The following KLHL13 variants were observed in gnomAD, a reference collection of about 807,000 sequenced individuals.
KLHL13 encodes kelch like family member 13.
In KLHL13, 10 loss-of-function variants were observed where a neutral mutation model predicts 37.1. The ratio of observed to expected loss-of-function variants is 0.27; its 90% CI spans 0.17 to 0.46. The LOEUF (loss-of-function observed/expected upper bound fraction) is 0.46, where lower values mean the gene tolerates loss of function less well. Ranked by LOEUF, KLHL13 falls within the 20% of genes least tolerant of loss-of-function variation. KLHL13 has a pLI of 1.00. For synonymous variants in KLHL13, 163 were observed against 181.2 expected (o/e 0.90, Z 0.81); for missense variants, 360 against 509.3 (o/e 0.71, Z 2.82).
At chrX:118,028,458 T>TG (rs1276676355) in intron 1 of KLHL13, 2 of 1,126,520 alleles carry the variant, frequency 1.8e-6, no homozygotes, top group Non-Finnish European at 2.4e-6. Flanking sequence ...AATTCCCCTC[T>TG]ATGCAGATGA....
At chrX:117,997,754 C>T (rs1342580599) in intron 1 of KLHL13, among the ~76,000 whole-genome samples, 3 of 111,283 alleles carry the variant, frequency 2.7e-5, no homozygotes, top group African/African-American at 9.8e-5. Flanking sequence ...CATTTGTTCC[C>T]CTATTTTAGC....
chrX:118,094,480 A>G (rs1343215127), intron 1 of KLHL13, among the ~76,000 whole-genome samples: 1 of 111,548 alleles, frequency 9.0e-6, no homozygotes, highest in Non-Finnish European at 1.9e-5. Context: ...GATATTATCC[A>G]GGAGAACTTC....
intron 1 of KLHL13, among the ~76,000 whole-genome samples, chrX:118,095,911 T>A (rs2148162155): frequency 8.9e-6 from 1 of 111,738 alleles, no homozygotes; most frequent in African/African-American, 3.3e-5. Context: ...CCAGAATCTC[T>A]GGGACACATT....
Position 118,077,026 on chromosome X carries a change from C to T in KLHL13, c.-56+39482G>A, listed in dbSNP as rs772257301. Among the ~76,000 whole-genome samples the T allele has an allele frequency of 8.2e-5, 9 of 110,196 alleles. No homozygotes were observed. The East Asian group carries it at 1.4e-3, about 18-fold the overall frequency. ...TAACACAGGGAGAAACATACTTTTG[C>T]TTTATTATTGTATTTTGCTTTCCAC... On this transcript the variant is annotated intron_variant, in intron 1 of 6. Coordinates refer to the KLHL13 transcript ENST00000371882.
intron 1 of KLHL13, among the ~76,000 whole-genome samples, chrX:118,107,197 T>C (rs1197954821): frequency 1.8e-5 from 2 of 112,399 alleles, no homozygotes; most frequent in African/African-American, 3.2e-5. Flanking sequence ...TTTAAAATCC[T>C]ATTAACCCAA....
intron 2 of KLHL13, among the ~76,000 whole-genome samples, chrX:117,937,089 T>C (rs1057421913): frequency 8.9e-6 from 1 of 111,804 alleles, no homozygotes; most frequent in African/African-American, 3.3e-5. Context: ...TGACAGCTAC[T>C]TTCAATGCCT....
chrX:117,977,666 T>C (rs1397219230), upstream of KLHL13, among the ~76,000 whole-genome samples: 1 of 112,293 alleles, frequency 8.9e-6, no homozygotes, highest in East Asian at 2.8e-4. Flanking sequence ...AAAATATCCA[T>C]GTTATTCACA....
intron 4 of KLHL13, among the ~76,000 whole-genome samples, chrX:117,919,261 C>A (rs191521531): frequency 7.2e-4 from 81 of 112,108 alleles, no homozygotes; most frequent in Non-Finnish European, 1.2e-3. Context: ...CAACCTTAGA[C>A]GATCTGCCCG....
At chrX:117,908,623 C>T (rs1168815269) in intron 5 of KLHL13, among the ~76,000 whole-genome samples, 2 of 111,277 alleles carry the variant, frequency 1.8e-5, no homozygotes, top group Admixed American at 1.9e-4. Context: ...ATTTACATAG[C>T]CAAAGTATTC....
At chrX:118,084,189 G>C (rs1368831425) in intron 1 of KLHL13, among the ~76,000 whole-genome samples, 3 of 110,638 alleles carry the variant, frequency 2.7e-5, no homozygotes, top group Non-Finnish European at 5.7e-5. Flanking sequence ...AACTTAGCTG[G>C]AAGTGGTCAC....
chrX:117,991,870 T>C (rs1021453022), intron 1 of KLHL13, among the ~76,000 whole-genome samples: 1 of 106,820 alleles, frequency 9.4e-6, no homozygotes, highest in African/African-American at 3.4e-5. Context: ...TCTCTCTCTC[T>C]CTCTCTCTCT....
chrX:117,945,258 AT>A (rs1191074803), intron 2 of KLHL13, among the ~76,000 whole-genome samples, 175 bp downstream of exon 3: 1 of 111,637 alleles, frequency 9.0e-6, no homozygotes, highest in Non-Finnish European at 1.9e-5. Flanking sequence ...AATAAACTTC[AT>A]TTTTTAGAGC....
At chrX:118,090,542 G>A (rs2148148988) in intron 1 of KLHL13, among the ~76,000 whole-genome samples, 1 of 111,526 alleles carries the variant, frequency 9.0e-6, no homozygotes, top group South Asian at 3.8e-4. Context: ...CATCATCACT[G>A]GCCATCAGAG....
In KLHL13 at chrX:118,078,816, T is replaced by C. The variant is rs1009348674; in HGVS notation, c.-56+37692A>G. On this transcript the variant is annotated intron_variant, in intron 1 of 6. Coordinates refer to the KLHL13 transcript ENST00000371882. ...TGCTGGATCATATGTTAAGTGTATA[T>C]TTAACTTTGTAAGAAACTGCCAAAT... 9.8e-5 allele frequency among the ~76,000 whole-genome samples: 11 copies of C among 111,976 alleles called. 1 individual carries two copies. The Admixed American group carries it at 1.0e-3, about 11-fold the overall frequency.
intron 1 of KLHL13, among the ~76,000 whole-genome samples, chrX:118,104,683 G>T (rs1477549816): frequency 1.8e-5 from 2 of 111,808 alleles, no homozygotes; most frequent in African/African-American, 6.5e-5. Flanking sequence ...GTCTGTGTTA[G>T]ACTGAGCATA....
At chrX:117,939,481 T>A (rs371672344) in intron 2 of KLHL13, among the ~76,000 whole-genome samples, 14 of 112,228 alleles carry the variant, frequency 1.2e-4, no homozygotes, top group African/African-American at 4.5e-4. Context: ...GGTCAAATGG[T>A]ATTTCTGGTT....
intron 1 of KLHL13, among the ~76,000 whole-genome samples, chrX:118,056,908 T>A (rs776932327): frequency 5.9e-4 from 66 of 112,407 alleles, no homozygotes; most frequent in Non-Finnish European, 1.1e-3. Flanking sequence ...ACTTTTTTAT[T>A]CATTTCTTTA....
chrX:117,918,816 T>C (rs1407858361), intron 4 of KLHL13, among the ~76,000 whole-genome samples: 2 of 111,901 alleles, frequency 1.8e-5, no homozygotes, highest in African/African-American at 3.3e-5. Flanking sequence ...TTAGTTCTTC[T>C]TAAGATCTAG....
At chrX:118,081,629 A>G (rs1392371588) in intron 1 of KLHL13, among the ~76,000 whole-genome samples, 5 of 111,471 alleles carry the variant, frequency 4.5e-5, no homozygotes, top group Non-Finnish European at 9.4e-5. Flanking sequence ...ATTTTGAAAT[A>G]TTCAATAAAT....
Sources: allele counts gnomAD v4.1 joint callset (sites outside exome capture counted in the v4.1 genomes callset), GRCh38; gene constraint gnomAD v4.1.1; transcripts MANE v1.5; gene names NCBI Gene and HGNC (gene_info 2026-07-23, HGNC 2026-07-21).